The following HYCC2 variants were observed in gnomAD, a reference collection of about 807,000 sequenced individuals.
HYCC2 encodes the protein hyccin 2.
At chr2:201,035,237 A>G in the HYCC2 span, among the ~76,000 whole-genome samples, 2 of 152,186 alleles carry the variant, frequency 1.3e-5, no homozygotes, top group Admixed American at 6.5e-5. Flanking sequence ...TTTCAGGTAC[A>G]CCAATCAGAC....
chr2:201,012,556 A>AT, the HYCC2 span, among the ~76,000 whole-genome samples: 1 of 152,174 alleles, frequency 6.6e-6, no homozygotes, highest in Non-Finnish European at 1.5e-5. Flanking sequence ...AGTTCTTGTG[A>AT]TTTTTTAGAA....
chr2:201,051,497 TAA>T, the HYCC2 span, among the ~76,000 whole-genome samples: 3 of 152,276 alleles, frequency 2.0e-5, no homozygotes, highest in Admixed American at 6.5e-5. Flanking sequence ...TGAATTTATC[TAA>T]GTTTCTGAAT....
At chr2:200,974,374 T>C in the HYCC2 span, 3 of 151,982 alleles carry the variant, frequency 2.0e-5, no homozygotes, top group Non-Finnish European at 4.4e-5. Flanking sequence ...ACTCAAATTA[T>C]CATGAGAAAA....
At chr2:201,054,134 T>G in the HYCC2 span, among the ~76,000 whole-genome samples, 1 of 152,206 alleles carries the variant, frequency 6.6e-6, no homozygotes, top group South Asian at 2.1e-4. Flanking sequence ...ATACGCATGC[T>G]CAGGAATAAT....
chr2:201,014,947 T>G, the HYCC2 span, among the ~76,000 whole-genome samples: 1 of 152,164 alleles, frequency 6.6e-6, no homozygotes, highest in Non-Finnish European at 1.5e-5. Context: ...AACAGTTTCA[T>G]AAACAATGTA....
chr2:201,051,514 G>A, the HYCC2 span, among the ~76,000 whole-genome samples: 1 of 151,772 alleles, frequency 6.6e-6, no homozygotes, highest in Non-Finnish European at 1.5e-5. Flanking sequence ...CTGAATATAA[G>A]GTTAATATAC....
the HYCC2 span, among the ~76,000 whole-genome samples, chr2:201,057,128 C>G: frequency 6.6e-6 from 1 of 152,160 alleles, no homozygotes; most frequent in Non-Finnish European, 1.5e-5. Flanking sequence ...AGAGACTGAC[C>G]ATGTGACCTG....
the HYCC2 span, among the ~76,000 whole-genome samples, chr2:201,002,672 C>T: frequency 6.6e-6 from 1 of 151,940 alleles, no homozygotes; most frequent in Non-Finnish European, 1.5e-5. Flanking sequence ...ATTACAGGCA[C>T]CTGCCACCAC....
chr2:200,984,701 T>C, the HYCC2 span, among the ~76,000 whole-genome samples: 41 of 151,798 alleles, frequency 2.7e-4, 1 homozygote, highest in East Asian at 5.6e-3. Flanking sequence ...CCTGGGCAAA[T>C]GGCAAGATCT....
chr2:201,049,527 T>A, the HYCC2 span, among the ~76,000 whole-genome samples: 2 of 151,316 alleles, frequency 1.3e-5, no homozygotes, highest in Non-Finnish European at 3.0e-5. Flanking sequence ...TTTTTTTTTT[T>A]AATTTTTAGT....
At chr2:201,025,310 T>C in the HYCC2 span, among the ~76,000 whole-genome samples, 1 of 152,058 alleles carries the variant, frequency 6.6e-6, no homozygotes, top group African/African-American at 2.4e-5. Flanking sequence ...TTCTTAAGCA[T>C]CAACTATACG....
chr2:201,016,976 T>A, the HYCC2 span: 1 of 1,607,388 alleles, frequency 6.2e-7, no homozygotes, highest in Non-Finnish European at 8.5e-7. Flanking sequence ...TCCCAAACTG[T>A]CATCTTCAAC....
At chr2:200,976,552 G>A in the HYCC2 span, 9 of 152,082 alleles carry the variant, frequency 5.9e-5, no homozygotes, top group African/African-American at 9.7e-5. Context: ...CAAAAGTGGT[G>A]CAAACAAAAC....
the HYCC2 span, among the ~76,000 whole-genome samples, chr2:201,016,610 T>G: frequency 9.2e-5 from 14 of 151,750 alleles, no homozygotes; most frequent in South Asian, 1.9e-3. Context: ...TAATTTTTTT[T>G]TTTTTTTGAG....
chr2:201,066,668 A>G, the HYCC2 span: 1 of 152,242 alleles, frequency 6.6e-6, no homozygotes, highest in African/African-American at 2.4e-5. Context: ...TTAATTAAGA[A>G]TCAGGGAGAC....
At chr2:201,044,326 A>T in the HYCC2 span, among the ~76,000 whole-genome samples, 13 of 152,200 alleles carry the variant, frequency 8.5e-5, no homozygotes, top group African/African-American at 2.4e-4. Context: ...GGCCCCAAGC[A>T]ATCCTCCCGC....
At chr2:201,068,851 T>C in the HYCC2 span, among the ~76,000 whole-genome samples, 2 of 152,270 alleles carry the variant, frequency 1.3e-5, no homozygotes, top group African/African-American at 4.8e-5. Flanking sequence ...AAATGTTCAG[T>C]TCCACATCCC....
the HYCC2 span, chr2:200,987,593 T>C: frequency 6.5e-6 from 8 of 1,232,302 alleles, no homozygotes; most frequent in African/African-American, 1.5e-5. Flanking sequence ...TCTGAGCATT[T>C]TGACCCAGGC....
At chr2:200,983,520 T>C in the HYCC2 span, among the ~76,000 whole-genome samples, 4 of 152,242 alleles carry the variant, frequency 2.6e-5, no homozygotes, top group Non-Finnish European at 5.9e-5. Context: ...AGCAGTTTAA[T>C]AATCTTTAAT....
Sources: gnomAD v4.1 joint callset for allele counts (sites outside exome capture counted in the v4.1 genomes callset) on GRCh38, gnomAD v4.1.1 for gene constraint, MANE v1.5 for transcripts, NCBI Gene and HGNC (gene_info 2026-07-23, HGNC 2026-07-21) for gene names.